FAM163A: variants seen among roughly 807,000 people sequenced by gnomAD.
FAM163A encodes the protein family with sequence similarity 163 member A.
Under a neutral mutation model 12.0 loss-of-function variants are expected in FAM163A, and 7 were observed. The observed-to-expected ratio is 0.58, with a 90% CI of 0.33 to 1.10. The LOEUF is 1.10. FAM163A is among the 50% of genes least tolerant of loss of function. The pLI is 0.03. For synonymous variants in FAM163A, 101 were observed against 91.0 expected (o/e 1.11, Z -0.62); for missense variants, 202 against 218.6 (o/e 0.92, Z 0.48).
intron 1 of FAM163A, among the ~76,000 whole-genome samples, chr1:179,776,167 G>A (rs1407023904): frequency 6.6e-6 from 1 of 152,154 alleles, no homozygotes; most frequent in Non-Finnish European, 1.5e-5. Flanking sequence ...GATAAGAGCA[G>A]TGTAAATCGT....
chr1:179,751,851 G>A (rs924438817), intron 1 of FAM163A, among the ~76,000 whole-genome samples: 2 of 152,132 alleles, frequency 1.3e-5, no homozygotes, highest in Non-Finnish European at 2.9e-5. Context: ...TCATAGATTG[G>A]AAGATTTAAT....
At chr1:179,793,533 T>C (rs1247190436) in intron 1 of FAM163A, among the ~76,000 whole-genome samples, 1 of 152,198 alleles carries the variant, frequency 6.6e-6, no homozygotes, top group East Asian at 1.9e-4. Context: ...ACCGCTGGTT[T>C]AGTGCTATTA....
upstream of FAM163A, chr1:179,742,629 CTGGGCT>C (rs1683787712): frequency 6.6e-6 from 1 of 152,258 alleles, no homozygotes; most frequent in African/African-American, 2.4e-5. Context: ...AACTTATTGG[CTGGGCT>C]ACAGCACATA....
At chr1:179,791,297 A>T (rs1238037650) in intron 1 of FAM163A, among the ~76,000 whole-genome samples, 1 of 152,112 alleles carries the variant, frequency 6.6e-6, no homozygotes, top group African/African-American at 2.4e-5. Context: ...CACATCCTCC[A>T]TGGAGAGCAA....
chr1:179,756,104 A>G (rs1480498445), intron 1 of FAM163A, among the ~76,000 whole-genome samples: 1 of 152,222 alleles, frequency 6.6e-6, no homozygotes, highest in Non-Finnish European at 1.5e-5. Flanking sequence ...TCAGCAAAAT[A>G]CTAGATGTGA....
At chr1:179,766,459 T>C (rs1010140594) in intron 1 of FAM163A, among the ~76,000 whole-genome samples, 3 of 152,164 alleles carry the variant, frequency 2.0e-5, no homozygotes, top group African/African-American at 7.2e-5. Context: ...ACCCTTTGTG[T>C]CCAATCATAT....
chr1:179,766,035 T>C (rs189611454), intron 1 of FAM163A, among the ~76,000 whole-genome samples: 1 of 152,156 alleles, frequency 6.6e-6, no homozygotes, highest in East Asian at 1.9e-4. Flanking sequence ...ACAATCTGGG[T>C]TCCAGAAATA....
intron 1 of FAM163A, among the ~76,000 whole-genome samples, chr1:179,797,648 C>G (rs1692525699): frequency 6.6e-6 from 1 of 152,070 alleles, no homozygotes; most frequent in African/African-American, 2.4e-5. Context: ...AGCCATTCTA[C>G]AATGTGTACC....
chr1:179,756,562 T>A (rs3845381), intron 1 of FAM163A, among the ~76,000 whole-genome samples: 36,209 of 152,136 alleles, frequency 0.24, 4,968 homozygotes, highest in East Asian at 0.63. Flanking sequence ...GACCATTTGA[T>A]TTGGAGGTTC....
At chr1:179,736,419 T>TA in the FAM163A span, among the ~76,000 whole-genome samples, 13 of 151,656 alleles carry the variant, frequency 8.6e-5, no homozygotes, top group African/African-American at 2.9e-4. Flanking sequence ...AAATGGTATA[T>TA]AAAAAAGTGT....
chr1:179,767,099 T>A (rs1687614556), intron 1 of FAM163A, among the ~76,000 whole-genome samples: 1 of 152,128 alleles, frequency 6.6e-6, no homozygotes, highest in South Asian at 2.1e-4. Context: ...CTCCCTGCCA[T>A]CGTTCTCCCA....
At chr1:179,810,645 T>G (rs1364342221) in intron 2 of FAM163A, among the ~76,000 whole-genome samples, 1 of 152,182 alleles carries the variant, frequency 6.6e-6, no homozygotes, top group African/African-American at 2.4e-5. Flanking sequence ...GCTGCCCCAC[T>G]CTAGGTTCCG....
intron 1 of FAM163A, among the ~76,000 whole-genome samples, chr1:179,772,356 C>G (rs1445694886): frequency 6.6e-6 from 1 of 152,188 alleles, no homozygotes; most frequent in Admixed American, 6.5e-5. Context: ...ATTTTGTTAC[C>G]TCCCCAGTCC....
intron 1 of FAM163A, among the ~76,000 whole-genome samples, chr1:179,746,207 G>C (rs1334181309): frequency 6.6e-6 from 1 of 152,182 alleles, no homozygotes; most frequent in Non-Finnish European, 1.5e-5. Context: ...GGAAACACTT[G>C]TCAAAATTAT....
rs192013156 is a variant in FAM163A, at chr1:179,815,999, G to C, written c.*1810G>C. The C allele has an allele frequency of 6.6e-6, 1 of 152,300 alleles. No homozygotes were observed. Among genetic ancestry groups the C allele is most frequent in the East Asian group, 1.9e-4 (1 of 5,176 alleles). The allele number at this position is 152,300 out of a possible 1,614,324, so 9.4% of individuals were successfully genotyped here. A position where few individuals can be genotyped will look rare whatever the true frequency, so the allele number is the denominator to read the frequency against. On this transcript the variant is annotated 3_prime_UTR_variant, in exon 5 of 5. Coordinates refer to ENST00000341785, the MANE Select transcript of FAM163A (RefSeq NM_173509.3). Reference sequence around the variant, plus strand: ...GAGACTCCATTTTCTCCAGGGAAACGAGGCTTGCCCAGATAGACTAACAAC... The same window carrying C: ...GAGACTCCATTTTCTCCAGGGAAACCAGGCTTGCCCAGATAGACTAACAAC...
At chr1:179,793,211 G>A (rs1691776872) in intron 1 of FAM163A, among the ~76,000 whole-genome samples, 1 of 152,112 alleles carries the variant, frequency 6.6e-6, no homozygotes, top group Non-Finnish European at 1.5e-5. Context: ...GCATGGCTGT[G>A]AGTGTTCCCA....
intron 1 of FAM163A, among the ~76,000 whole-genome samples, chr1:179,768,041 CTTTG>C (rs1366653842): frequency 6.7e-6 from 1 of 148,634 alleles, no homozygotes; most frequent in Non-Finnish European, 1.5e-5. Flanking sequence ...ACATTTTCTA[CTTTG>C]TTTGTATGAT....
chr1:179,744,294 A>G (rs1426328263), intron 1 of FAM163A, among the ~76,000 whole-genome samples: 1 of 151,998 alleles, frequency 6.6e-6, no homozygotes, highest in Non-Finnish European at 1.5e-5. Flanking sequence ...GGCGCCGGCC[A>G]CACGGAAGCC....
intron 1 of FAM163A, among the ~76,000 whole-genome samples, chr1:179,774,090 T>TCAGCCAGCAC (rs547827021): frequency 5.1e-4 from 76 of 149,814 alleles, no homozygotes; most frequent in Non-Finnish European, 1.0e-3. Context: ...CCTTAAGGCA[T>TCAGCCAGCAC]CAGCCAGCAC....
Sources: allele counts gnomAD v4.1 joint callset (sites outside exome capture counted in the v4.1 genomes callset), GRCh38; gene constraint gnomAD v4.1.1; transcripts MANE v1.5; gene names NCBI Gene and HGNC (gene_info 2026-07-23, HGNC 2026-07-21).